PHLDB2: variants seen among roughly 807,000 people sequenced by gnomAD.
PHLDB2 encodes pleckstrin homology like domain family B member 2.
Under a neutral mutation model 123.6 loss-of-function variants are expected in PHLDB2, and 71 were observed. That is an observed-to-expected ratio of 0.57 (90% CI 0.47 to 0.70). The LOEUF (loss-of-function observed/expected upper bound fraction) is 0.70. PHLDB2 is among the 30% of genes least tolerant of loss of function. The pLI is 0.00. For synonymous variants in PHLDB2, 547 were observed against 541.6 expected (o/e 1.01, Z -0.14); for missense variants, 1,446 against 1,519.5 (o/e 0.95, Z 0.80).
intron 1 of PHLDB2, among the ~76,000 whole-genome samples, chr3:111,806,595 G>A (rs944065374): frequency 7.3e-5 from 11 of 150,256 alleles, no homozygotes; most frequent in Non-Finnish European, 1.3e-4. Flanking sequence ...AGCAATTCTC[G>A]TGCCTTCAGC....
intron 1 of PHLDB2, among the ~76,000 whole-genome samples, chr3:111,777,509 G>A (rs1004823320): frequency 3.9e-5 from 6 of 151,996 alleles, no homozygotes; most frequent in African/African-American, 1.2e-4. Context: ...TCTTAAATCA[G>A]ACCAGTCCAC....
At chr3:111,756,594 C>G (rs1005128886) in intron 1 of PHLDB2, among the ~76,000 whole-genome samples, 1 of 152,152 alleles carries the variant, frequency 6.6e-6, no homozygotes, top group Non-Finnish European at 1.5e-5. Context: ...GGTCTTGACT[C>G]TTTATCCAAT....
intron 1 of PHLDB2, among the ~76,000 whole-genome samples, chr3:111,752,687 G>A (rs897186700): frequency 6.6e-6 from 1 of 151,608 alleles, no homozygotes; most frequent in Non-Finnish European, 1.5e-5. Flanking sequence ...TAGGGTACAT[G>A]TGCACAATGT....
intron 1 of PHLDB2, among the ~76,000 whole-genome samples, chr3:111,740,703 A>T (rs2059588329): frequency 1.0e-5 from 1 of 97,256 alleles, no homozygotes. Context: ...AATCACCAAA[A>T]GTCACCCTTG....
chr3:111,823,214 A>G (rs1304444878), intron 1 of PHLDB2, among the ~76,000 whole-genome samples: 2 of 152,240 alleles, frequency 1.3e-5, no homozygotes, highest in Non-Finnish European at 2.9e-5. Flanking sequence ...TTCTTGACTT[A>G]ATGGAGCTGC....
At chr3:111,853,340 A>C (rs578246335) in intron 2 of PHLDB2, among the ~76,000 whole-genome samples, 1 of 152,266 alleles carries the variant, frequency 6.6e-6, no homozygotes, top group Admixed American at 6.5e-5. Flanking sequence ...GATGAAGATG[A>C]CTTTTCTAAG....
At chr3:111,761,175 C>T (rs1431386963) in intron 1 of PHLDB2, among the ~76,000 whole-genome samples, 1 of 133,566 alleles carries the variant, frequency 7.5e-6, no homozygotes, top group African/African-American at 3.0e-5. Context: ...CAGAGTGAGA[C>T]TCCATCTCAA....
chr3:111,867,747 G>T (rs1001231539), intron 1 of PHLDB2, among the ~76,000 whole-genome samples: 3 of 151,592 alleles, frequency 2.0e-5, no homozygotes, highest in Admixed American at 6.6e-5. Flanking sequence ...TGTCACCCAG[G>T]CTGGAGTACA....
intron 1 of PHLDB2, among the ~76,000 whole-genome samples, chr3:111,874,010 A>AT (rs1491536079): frequency 7.2e-5 from 11 of 152,130 alleles, no homozygotes. Context: ...GAAAATAATG[A>AT]TTTTTCCTAT....
At chr3:111,854,832 A>C (rs1421275062), upstream of PHLDB2, among the ~76,000 whole-genome samples, 4 of 152,314 alleles carry the variant, frequency 2.6e-5, no homozygotes, top group East Asian at 3.9e-4. Context: ...GTGGCTGTGA[A>C]AAAAGATGGT....
chr3:111,903,988 C>G (rs1452155413), intron 2 of PHLDB2, among the ~76,000 whole-genome samples: 1 of 152,146 alleles, frequency 6.6e-6, no homozygotes, highest in Non-Finnish European at 1.5e-5. Context: ...TTCTGCTCTT[C>G]AAGTCCAGCT....
chr3:111,881,131 A>C (rs2065907171), intron 1 of PHLDB2, among the ~76,000 whole-genome samples: 1 of 152,230 alleles, frequency 6.6e-6, no homozygotes, highest in African/African-American at 2.4e-5. Context: ...TAAAATTTTC[A>C]TACCTGCTGG....
chr3:111,751,867 A>T (rs1003630651), intron 1 of PHLDB2, among the ~76,000 whole-genome samples: 12 of 151,900 alleles, frequency 7.9e-5, no homozygotes, highest in Admixed American at 1.3e-4. Flanking sequence ...AAAAAGAGAG[A>T]TTTTGCTGCA....
intron 1 of PHLDB2, among the ~76,000 whole-genome samples, chr3:111,785,529 T>C (rs1486260799): frequency 6.6e-6 from 1 of 152,138 alleles, no homozygotes; most frequent in East Asian, 1.9e-4. Flanking sequence ...TAGTTCTTTA[T>C]TTTGTTTTTA....
intron 1 of PHLDB2, among the ~76,000 whole-genome samples, chr3:111,803,328 T>G (rs1276339721): frequency 6.6e-6 from 1 of 152,202 alleles, no homozygotes; most frequent in Non-Finnish European, 1.5e-5. Context: ...AGGTTGCTAC[T>G]AACAGGGTTC....
intron 1 of PHLDB2, among the ~76,000 whole-genome samples, chr3:111,837,967 G>A (rs551951793): frequency 6.6e-6 from 1 of 151,948 alleles, no homozygotes; most frequent in Non-Finnish European, 1.5e-5. Flanking sequence ...ACTTGAACCC[G>A]GGAGGTGGAG....
intron 1 of PHLDB2, among the ~76,000 whole-genome samples, chr3:111,831,106 C>T (rs1378586140): frequency 6.6e-6 from 1 of 151,862 alleles, no homozygotes; most frequent in Non-Finnish European, 1.5e-5. Context: ...AGCCATGACA[C>T]TTTTTAAAAA....
chr3:111,872,244 G>A (rs2065374544), intron 1 of PHLDB2, among the ~76,000 whole-genome samples: 1 of 152,202 alleles, frequency 6.6e-6, no homozygotes, highest in Non-Finnish European at 1.5e-5. Flanking sequence ...TCTTTCCACA[G>A]TAACATAATG....
chr3:111,928,649 C>A (rs985395432), intron 5 of PHLDB2, among the ~76,000 whole-genome samples: 3 of 152,136 alleles, frequency 2.0e-5, no homozygotes, highest in Non-Finnish European at 4.4e-5. Context: ...CAAATATAGG[C>A]CCAATTTTAT....
Sources: gnomAD v4.1 joint callset for allele counts (sites outside exome capture counted in the v4.1 genomes callset) on GRCh38, gnomAD v4.1.1 for gene constraint, MANE v1.5 for transcripts, NCBI Gene and HGNC (gene_info 2026-07-23, HGNC 2026-07-21) for gene names.